Variants in SDK2 observed in about 807,000 individuals in gnomAD.
The protein encoded by SDK2 is protein sidekick-2.
A neutral mutation model predicts 253.9 loss-of-function variants in SDK2; 105 were observed. The ratio of observed to expected loss-of-function variants is 0.41; its 90% CI spans 0.35 to 0.49. The LOEUF (loss-of-function observed/expected upper bound fraction) is 0.49, where lower values mean the gene tolerates loss of function less well. Among genes scored for constraint, SDK2 ranks in the 20% least tolerant of loss-of-function variants. The pLI is 0.06. For synonymous variants in SDK2, 1,249 were observed against 1,234.9 expected, an observed-to-expected ratio of 1.01 and a Z score of -0.24; for missense variants, 2,608 against 3,003.0, an observed-to-expected ratio of 0.87 and a Z score of 3.07.
chr17:73,413,813 CAT>C (rs1481816812), intron 18 of SDK2, among the ~76,000 whole-genome samples: 1 of 152,152 alleles, frequency 6.6e-6, no homozygotes, highest in Non-Finnish European at 1.5e-5. Flanking sequence ...GAAGCTGAGA[CAT>C]ATTAAAGAAC....
At position 73,402,152 on chromosome 17, in the gene SDK2, G is replaced by A; in HGVS notation, c.2485-11C>T. The A allele has an allele frequency of 6.2e-7, 1 of 1,610,956 alleles. No individual in the cohort carries two copies. The highest frequency in any genetic ancestry group is 8.5e-7 in the Non-Finnish European group (1 of 1,178,046). On this transcript the variant is annotated splice_polypyrimidine_tract_variant and intron_variant, in intron 18 of 44. Transcript: ENST00000392650. ...CTCCCAGGCGATCAGCTGCGGAGAG[G>A]CGAGCAAGTCACACAGGGCAGCAGG...
At chr17:73,526,423 G>T (rs1014807968) in intron 1 of SDK2, among the ~76,000 whole-genome samples, 4 of 152,316 alleles carry the variant, frequency 2.6e-5, no homozygotes, top group East Asian at 3.9e-4. Context: ...GAGAAAGAAG[G>T]GGGTGGGAAT....
intron 25 of SDK2, 137 bp from the exon 26 acceptor site, chr17:73,394,461 T>A: frequency 2.0e-6 from 1 of 490,198 alleles, no homozygotes; most frequent in Non-Finnish European, 3.5e-6. Flanking sequence ...GCACACATGG[T>A]CCCCAAACTG....
At chr17:73,491,940 A>G (rs569942700) in intron 2 of SDK2, among the ~76,000 whole-genome samples, 1 of 152,200 alleles carries the variant, frequency 6.6e-6, no homozygotes, top group South Asian at 2.1e-4. Flanking sequence ...CAGCTCTGAT[A>G]TTTTACAGTG....
chr17:73,375,759 G>C (rs1188217653), intron 36 of SDK2, among the ~76,000 whole-genome samples: 1 of 151,630 alleles, frequency 6.6e-6, no homozygotes, highest in Non-Finnish European at 1.5e-5. Context: ...AGGAGGCTGA[G>C]GTGGGAGAAT....
At position 73,603,880 on chromosome 17, in the gene SDK2, T is replaced by A. The variant is rs185659997; in HGVS notation, c.64+40145A>T. Among the ~76,000 whole-genome samples the A allele has an allele frequency of 3.9e-5, 6 of 152,340 alleles. No individual in the cohort carries two copies. The East Asian group carries it at 1.2e-3, about 29-fold the overall frequency. ...GATGTCCCCAACTTGGGACACTTCC[T>A]GGGATCAGAGGTCAGCGGCCACAAT... On this transcript the variant is annotated intron_variant, in intron 1 of 44. Transcript: ENST00000392650.
intron 15 of SDK2, among the ~76,000 whole-genome samples, chr17:73,420,728 T>G (rs1399941667): frequency 1.3e-5 from 2 of 151,834 alleles, no homozygotes; most frequent in Non-Finnish European, 2.9e-5. Context: ...CAGGCTGGAG[T>G]GCGGTGGCAC....
intron 4 of SDK2, among the ~76,000 whole-genome samples, chr17:73,454,052 C>T (rs1181206892): frequency 1.3e-5 from 2 of 152,168 alleles, no homozygotes; most frequent in African/African-American, 4.8e-5. Flanking sequence ...GTTACAATTG[C>T]CTACAGTACA....
Position 73,438,007 on chromosome 17 carries a change from G to C in SDK2, c.873C>G (p.Ser291Arg). The C allele has an allele frequency of 6.4e-7, 1 of 1,551,322 alleles. No homozygotes were observed. The stretch of plus-strand genomic sequence containing the variant: ...CGCCCCGGACAACAGAGGGGACGCT[G>C]CTGCTGCGCAGGACAGCCTCACACT... Reference protein sequence around the residue: ...YYECEAVLRSSSVPSVVRGAY... With the variant: ...YYECEAVLRSRSVPSVVRGAY... The change falls in exon 7 of 45, where the codon AGC becomes AGG. Residue 291 changes from serine to arginine, a missense_variant. Around this residue, in one of 2 missense-constraint regions of SDK2, gnomAD observed 1,505 missense variants for 1,859.1 expected, o/e 0.81. Coordinates refer to ENST00000392650, the MANE Select transcript of SDK2 (RefSeq NM_001144952.2).
chr17:73,557,416 C>T (rs567067784), intron 1 of SDK2, among the ~76,000 whole-genome samples: 1 of 152,192 alleles, frequency 6.6e-6, no homozygotes, highest in East Asian at 1.9e-4. Flanking sequence ...AATTCTCCTG[C>T]CTCAGCCTCC....
intron 3 of SDK2, among the ~76,000 whole-genome samples, chr17:73,457,239 CT>C (rs1404629964): frequency 0.022 from 1,059 of 47,494 alleles, 46 homozygotes; most frequent in African/African-American, 0.096. Flanking sequence ...TCCTTCCTTC[CT>C]TCCTTCCTTC....
chr17:73,416,360 C>T (rs1353445114), intron 16 of SDK2, among the ~76,000 whole-genome samples: 1 of 151,696 alleles, frequency 6.6e-6, no homozygotes, highest in Non-Finnish European at 1.5e-5. Flanking sequence ...ACCACACTGG[C>T]TAATTTTTGT....
chr17:73,419,078 A>T lies in SDK2; in HGVS notation c.2186+88T>A. On this transcript the variant is annotated intron_variant, in intron 16 of 44. Coordinates refer to ENST00000392650, the MANE Select transcript of SDK2 (RefSeq NM_001144952.2). ...CCTAGATGGCGAAGGGCCTGCCATGAATTTGCACTGTTTTCCAGTCCACTC... is the reference window on the plus strand; with the variant it reads ...CCTAGATGGCGAAGGGCCTGCCATGTATTTGCACTGTTTTCCAGTCCACTC... The T allele has an allele frequency of 4.8e-6, 7 of 1,456,102 alleles. No homozygotes were observed. The South Asian group carries it at 8.6e-5, about 18-fold the overall frequency. 90.2% of individuals were successfully genotyped at this position (1,456,102 alleles called of 1,614,324 possible). A position where few individuals can be genotyped will look rare whatever the true frequency, so the allele number is the denominator to read the frequency against.
rs1416878023 is a variant in SDK2, at chr17:73,465,775, C to T, written c.331+6337G>A. Among the ~76,000 whole-genome samples, 3 of 152,152 alleles carry T rather than the reference C, an allele frequency of 2.0e-5. No individual in the cohort carries two copies. Among genetic ancestry groups the T allele is most frequent in the Non-Finnish European group, 4.4e-5 (3 of 68,034 alleles). On this transcript the variant is annotated intron_variant, in intron 3 of 44. Coordinates refer to ENST00000392650, the MANE Select transcript of SDK2 (RefSeq NM_001144952.2). The surrounding 1 kb of genome is among the most constrained non-coding windows in gnomAD (Gnocchi z 4.2). ...TTCTCTTTGGGAAGGGGGCTGGGTG[C>T]CAGGGGTTGGCCAGCCTGGCTCCAT...
intron 2 of SDK2, among the ~76,000 whole-genome samples, chr17:73,497,103 G>C (rs915778334): frequency 2.6e-5 from 4 of 152,116 alleles, no homozygotes; most frequent in African/African-American, 9.7e-5. Context: ...TCACCATATT[G>C]GCCAGGCTGG....
In SDK2 at chr17:73,472,465, C is replaced by G. The variant is rs139013697; in HGVS notation, c.225-247G>C. Among the ~76,000 whole-genome samples the G allele has an allele frequency of 5.3e-3, 809 of 152,340 alleles. 6 individuals are homozygous for G. The highest frequency in any genetic ancestry group is 0.017 in the African/African-American group (704 of 41,566). ...GGGAATTAGCCTGCCCTTCTCCAAG[C>G]AGGGAAGGTGCTGCACCCGAATCCT... is the stretch of plus-strand genomic sequence containing the variant. On this transcript the variant is annotated intron_variant, in intron 2 of 44. Transcript: ENST00000392650.
intron 15 of SDK2, among the ~76,000 whole-genome samples, chr17:73,420,405 C>T (rs1048585703): frequency 6.6e-6 from 1 of 152,258 alleles, no homozygotes; most frequent in Non-Finnish European, 1.5e-5. Flanking sequence ...GATCTCACCT[C>T]ACTGCAACCT....
intron 39 of SDK2, among the ~76,000 whole-genome samples, chr17:73,358,444 T>C (rs2062611525): frequency 2.6e-5 from 4 of 152,028 alleles, no homozygotes. Flanking sequence ...AGAAGACAAA[T>C]GGAATGGTCC....
chr17:73,401,252 C>A, intron 20 of SDK2, 41 bp from the exon 21 acceptor site: 1 of 1,507,204 alleles, frequency 6.6e-7, no homozygotes, highest in South Asian at 1.3e-5. Context: ...TGGCTGTGAT[C>A]ACAAGTTGGC....
Sources: gnomAD v4.1 joint callset for allele counts (sites outside exome capture counted in the v4.1 genomes callset) on GRCh38, gnomAD v4.1.1 for gene constraint, gnomAD v4.1.1 regional missense constraint, Gnocchi (gnomAD v3.1) non-coding constraint, MANE v1.5 for transcripts, NCBI Gene and HGNC (gene_info 2026-07-23, HGNC 2026-07-21) for gene names.